Variants in SHMT1 observed in about 807,000 individuals in gnomAD.
SHMT1 encodes the protein serine hydroxymethyltransferase 1.
Under a neutral mutation model 49.0 loss-of-function variants are expected in SHMT1, and 45 were observed. The observed-to-expected ratio is 0.92, with a 90% CI of 0.72 to 1.18. The LOEUF (loss-of-function observed/expected upper bound fraction) is 1.18, where lower values mean the gene tolerates loss of function less well. SHMT1 is among the 50% of genes most tolerant of loss of function. The pLI, the probability that SHMT1 is intolerant of heterozygous loss-of-function variation, is 0.00. For missense variants in SHMT1, 541 were observed against 612.4 expected, an observed-to-expected ratio of 0.88 and a Z score of 1.23; for synonymous variants, 232 against 246.6, an observed-to-expected ratio of 0.94 and a Z score of 0.55.
chr17:18,348,482 G>T, intron 3 of SHMT1, 42 bp from the exon 4 acceptor site: 1 of 1,428,988 alleles, frequency 7.0e-7, no homozygotes, highest in Non-Finnish European at 9.9e-7. Context: ...CTCAGACCCA[G>T]AAAGTCTGTG....
intron 1 of SHMT1, among the ~76,000 whole-genome samples, chr17:18,356,332 G>T (rs930341111): frequency 5.3e-5 from 8 of 150,208 alleles, no homozygotes; most frequent in African/African-American, 2.0e-4. Context: ...GTCAGCCACC[G>T]CGCCCCACCT....
intron 3 of SHMT1, among the ~76,000 whole-genome samples, chr17:18,350,567 T>A (rs538467313): frequency 8.2e-4 from 123 of 150,210 alleles, no homozygotes; most frequent in South Asian, 2.7e-3. Flanking sequence ...AGCCCAAGAG[T>A]TTGAGGCTGC....
chr17:18,361,411 G>C (rs1178496519), intron 1 of SHMT1, among the ~76,000 whole-genome samples: 1 of 151,354 alleles, frequency 6.6e-6, no homozygotes, highest in Non-Finnish European at 1.5e-5. Flanking sequence ...CAGTGAGGTA[G>C]AGATTGCAGT....
At chr17:18,351,376 G>A (rs1328250422) in intron 3 of SHMT1, among the ~76,000 whole-genome samples, 1 of 151,432 alleles carries the variant, frequency 6.6e-6, no homozygotes, top group African/African-American at 2.4e-5. Flanking sequence ...TCGATCTCCT[G>A]ACCTCATGAT....
intron 1 of SHMT1, among the ~76,000 whole-genome samples, chr17:18,357,106 C>A (rs929921450): frequency 6.6e-6 from 1 of 151,634 alleles, no homozygotes; most frequent in Non-Finnish European, 1.5e-5. Flanking sequence ...CTGGTGAAAC[C>A]CCATCTCTAC....
intron 7 of SHMT1, among the ~76,000 whole-genome samples, chr17:18,337,836 G>A (rs1454020684): frequency 8.8e-6 from 1 of 113,156 alleles, no homozygotes; most frequent in Non-Finnish European, 2.0e-5. Flanking sequence ...GGCCTCCCGA[G>A]GTGCCGGGAT....
At chr17:18,355,205 TA>T (rs1384159877) in intron 2 of SHMT1, among the ~76,000 whole-genome samples, 2 of 133,550 alleles carry the variant, frequency 1.5e-5, no homozygotes, top group Non-Finnish European at 3.2e-5. Context: ...CCACCTCTAC[TA>T]AAAAATACAA....
intron 3 of SHMT1, 142 bp from the exon 4 acceptor site, chr17:18,348,582 G>T: frequency 1.3e-6 from 1 of 752,902 alleles, no homozygotes; most frequent in Non-Finnish European, 2.4e-6. Context: ...TGCAGATGCT[G>T]AAGCCAGCAT....
chr17:18,351,998 C>T (rs1024828004), intron 3 of SHMT1, among the ~76,000 whole-genome samples: 4 of 152,000 alleles, frequency 2.6e-5, no homozygotes, highest in African/African-American at 7.2e-5. Context: ...GCGCATGCCA[C>T]CATGTCCGGC....
chr17:18,355,087 A>T (rs1223961017), intron 2 of SHMT1, among the ~76,000 whole-genome samples: 2 of 108,638 alleles, frequency 1.8e-5, no homozygotes, highest in Non-Finnish European at 3.6e-5. Context: ...AAAAAAAAAA[A>T]GGCCGGGTGC....
At chr17:18,335,364 G>A (rs546175134) in intron 8 of SHMT1, among the ~76,000 whole-genome samples, 195 bp downstream of exon 8, 7 of 152,338 alleles carry the variant, frequency 4.6e-5, no homozygotes, top group Admixed American at 2.0e-4. Context: ...GGCCGTACAC[G>A]TGGAGTGGAT....
chr17:18,354,886 A>T lies in SHMT1; in HGVS notation c.96+1000T>A, dbSNP rs544065631. Among the ~76,000 whole-genome samples the T allele has an allele frequency of 1.1e-3, 164 of 147,010 alleles. 3 individuals carry two copies. The highest frequency in any genetic ancestry group is 5.1e-3 in the Admixed American group (73 of 14,402). ...AATCCCGTCTCTACTAAAAAAAAAAAAATAATACAAAAAATTAGCCAGGGC... is the reference window on the plus strand; with the variant it reads ...AATCCCGTCTCTACTAAAAAAAAAATAATAATACAAAAAATTAGCCAGGGC... On this transcript the variant is annotated intron_variant, in intron 2 of 11. Coordinates refer to ENST00000316694, the MANE Select transcript of SHMT1 (RefSeq NM_004169.5).
chr17:18,353,967 G>C, intron 2 of SHMT1, 150 bp from the exon 3 acceptor site: 1 of 763,906 alleles, frequency 1.3e-6, no homozygotes, highest in Non-Finnish European at 2.2e-6. Context: ...ATCTGAGAAA[G>C]CACTAATCAA....
chr17:18,337,794 C>CA (rs1983981004), intron 7 of SHMT1, among the ~76,000 whole-genome samples: 1 of 152,208 alleles, frequency 6.6e-6, no homozygotes. Flanking sequence ...GGCTGGTCTC[C>CA]AGCTCCTAAC....
rs1181046164 is a variant in SHMT1 at position 18,328,712 on chromosome 17, T to A, written c.*38A>T. The A allele has an allele frequency of 6.5e-7, 1 of 1,548,834 alleles. No individual in the cohort carries two copies. The highest frequency in any genetic ancestry group is 8.7e-7 in the Non-Finnish European group (1 of 1,147,282). On this transcript the variant is annotated 3_prime_UTR_variant, in exon 12 of 12. Coordinates refer to ENST00000316694, the MANE Select transcript of SHMT1 (RefSeq NM_004169.5). The stretch of plus-strand genomic sequence containing the variant: ...GGGGGTCCTCCGGCAGGCAGCTTCC[T>A]CTGTGGCGCCAGGTGGGTCCAGAGT...
chr17:18,352,827 G>GA (rs965055290), intron 3 of SHMT1, among the ~76,000 whole-genome samples: 29 of 93,400 alleles, frequency 3.1e-4, no homozygotes, highest in African/African-American at 3.5e-4. Context: ...CAAAAAAGAA[G>GA]AAAAAAAAAA....
chr17:18,337,917 C>G (rs1192261263), intron 7 of SHMT1, among the ~76,000 whole-genome samples: 2 of 152,078 alleles, frequency 1.3e-5, no homozygotes, highest in Middle Eastern at 6.8e-3. Flanking sequence ...GATCTCGGCT[C>G]GCTACAACCT....
chr17:18,340,154 G>A lies in SHMT1; in HGVS notation c.703C>T (p.Leu235=), dbSNP rs780018883. The A allele has an allele frequency of 1.6e-5, 26 of 1,614,224 alleles. No individual in the cohort carries two copies. In the South Asian group the frequency reaches 2.7e-4, roughly 17 times the overall value. ...GAGGGCACCACGCCAGCCGCCACCAGCCCGCTGATGTGAGCCATGTCCGCC... is the reference window on the plus strand; with the variant it reads ...GAGGGCACCACGCCAGCCGCCACCAACCCGCTGATGTGAGCCATGTCCGCC... ...LMADMAHISG[L]VAAGVVPSPF... Residue 235 remains leucine, a synonymous_variant, in exon 7 of 12, where the codon CTG becomes TTG. Transcript: ENST00000316694. This position sits in a 1 kb window ranked among gnomAD's most constrained non-coding sequence, Gnocchi z 4.5.
At chr17:18,357,862 C>T (rs1305717792) in intron 1 of SHMT1, among the ~76,000 whole-genome samples, 1 of 97,912 alleles carries the variant, frequency 1.0e-5, no homozygotes, top group African/African-American at 4.7e-5. Flanking sequence ...TGAGCTAGGA[C>T]TCTTTTTTTT....
Sources: gnomAD v4.1 joint callset for allele counts (sites outside exome capture counted in the v4.1 genomes callset) on GRCh38, gnomAD v4.1.1 for gene constraint, Gnocchi (gnomAD v3.1) non-coding constraint, MANE v1.5 for transcripts, NCBI Gene and HGNC (gene_info 2026-07-23, HGNC 2026-07-21) for gene names.